MSH4: variants seen among roughly 807,000 people sequenced by gnomAD.
The protein encoded by MSH4 is mutS protein homolog 4.
A neutral mutation model predicts 113.7 loss-of-function variants in MSH4; 106 were observed. That is an observed-to-expected ratio of 0.93 (90% confidence interval 0.80 to 1.10). MSH4 has a LOEUF of 1.10. Ranked by LOEUF, MSH4 falls within the 50% of genes least tolerant of loss-of-function variation. The probability of loss-of-function intolerance (pLI) is 0.00; values close to 1 mark genes in which losing one functional copy is unlikely to be tolerated. For synonymous variants in MSH4, 368 were observed against 380.2 expected (o/e 0.97, Z 0.37); for missense variants, 1,061 against 1,093.7 (o/e 0.97, Z 0.42).
chr1:75,911,008 TA>T (rs1293187413), intron 19 of MSH4, among the ~76,000 whole-genome samples: 1 of 152,110 alleles, frequency 6.6e-6, no homozygotes, highest in South Asian at 2.1e-4. Context: ...TATTACAAAG[TA>T]AAGTTGAACT....
At chr1:75,869,857 A>G (rs1261049456) in intron 9 of MSH4, among the ~76,000 whole-genome samples, 2 of 152,184 alleles carry the variant, frequency 1.3e-5, no homozygotes, top group Non-Finnish European at 2.9e-5. Flanking sequence ...GCCCCCACAC[A>G]GAGTCCCCAC....
intron 19 of MSH4, among the ~76,000 whole-genome samples, chr1:75,903,556 T>G (rs1652557059): frequency 6.6e-6 from 1 of 152,154 alleles, no homozygotes. Flanking sequence ...TTTCCACTTC[T>G]GTGAAGAATG....
intron 7 of MSH4, among the ~76,000 whole-genome samples, chr1:75,834,792 G>C (rs1032725894): frequency 6.6e-6 from 1 of 152,144 alleles, no homozygotes. Context: ...GTCAGGGGAT[G>C]GGGGAGGGAT....
At chr1:75,857,984 C>A (rs1651357455) in intron 8 of MSH4, among the ~76,000 whole-genome samples, 1 of 152,114 alleles carries the variant, frequency 6.6e-6, no homozygotes, top group African/African-American at 2.4e-5. Context: ...TCCTTCACAT[C>A]CCTTGTAAGT....
intron 19 of MSH4, among the ~76,000 whole-genome samples, chr1:75,910,282 ATCTC>A (rs1652761587): frequency 6.6e-6 from 1 of 151,796 alleles, no homozygotes; most frequent in African/African-American, 2.4e-5. Context: ...ATCTTCCATG[ATCTC>A]TCTATGGCAC....
At chr1:75,846,552 A>G (rs945420124) in intron 7 of MSH4, among the ~76,000 whole-genome samples, 3 of 152,142 alleles carry the variant, frequency 2.0e-5, no homozygotes, top group African/African-American at 7.2e-5. Flanking sequence ...GTTCTTTTCA[A>G]CTGTAACAAG....
At chr1:75,805,090 G>T (rs1650029120) in intron 2 of MSH4, among the ~76,000 whole-genome samples, 1 of 152,062 alleles carries the variant, frequency 6.6e-6, no homozygotes, top group Non-Finnish European at 1.5e-5. Context: ...CTCCTAAAGT[G>T]CTGGGATTAC....
intron 17 of MSH4, 106 bp from the exon 18 acceptor site, chr1:75,897,801 A>G: frequency 1.6e-6 from 1 of 610,136 alleles, no homozygotes; most frequent in Non-Finnish European, 2.5e-6. Context: ...CATCTCTGCC[A>G]AGCTACTTAG....
chr1:75,819,574 C>T (rs948172929), intron 6 of MSH4, among the ~76,000 whole-genome samples: 1 of 152,142 alleles, frequency 6.6e-6, no homozygotes, highest in Non-Finnish European at 1.5e-5. Flanking sequence ...GTCTTATATG[C>T]CCAGTGTTTA....
intron 7 of MSH4, among the ~76,000 whole-genome samples, chr1:75,832,808 G>C (rs1650733459): frequency 6.6e-6 from 1 of 152,040 alleles, no homozygotes; most frequent in Non-Finnish European, 1.5e-5. Context: ...AGCTATTTAT[G>C]ACACACCCAC....
intron 6 of MSH4, among the ~76,000 whole-genome samples, chr1:75,816,960 A>C (rs1029086408): frequency 2.6e-5 from 4 of 152,050 alleles, no homozygotes; most frequent in African/African-American, 9.7e-5. Flanking sequence ...GGAGAATTTT[A>C]TTTAAGAGGT....
At chr1:75,802,486 A>AT (rs1557487659) in intron 1 of MSH4, among the ~76,000 whole-genome samples, 1 of 152,300 alleles carries the variant, frequency 6.6e-6, no homozygotes, top group African/African-American at 2.4e-5. Context: ...ACATTTTAAA[A>AT]TTTTTTTAGA....
intron 8 of MSH4, among the ~76,000 whole-genome samples, chr1:75,848,955 G>A (rs1651132180): frequency 6.6e-6 from 1 of 151,962 alleles, no homozygotes; most frequent in Non-Finnish European, 1.5e-5. Context: ...TTTTTGAGAT[G>A]GAGTCTCACT....
Position 75,807,036 on chromosome 1 carries a change from A to C in MSH4, c.483A>C (p.Val161=). 6.3e-7 allele frequency: 1 copy of C among 1,589,376 alleles called. No homozygotes were observed. Among genetic ancestry groups the C allele is most frequent in the Non-Finnish European group, 8.5e-7 (1 of 1,172,638 alleles). ...CCCCATCAGTTATTGTAGCTGTTGT[A>C]GAAGGGAGAGGACTTGCCAGAGGTG... ...AHSPSVIVAV[V]EGRGLARGEI... is the part of the protein sequence containing the mutation. The change falls in exon 3 of 20, where the codon GTA becomes GTC. Residue 161 remains valine (V), a synonymous_variant. Transcript: ENST00000263187.
At chr1:75,832,517 A>T (rs1206644996) in intron 7 of MSH4, among the ~76,000 whole-genome samples, 1 of 152,216 alleles carries the variant, frequency 6.6e-6, no homozygotes, top group African/African-American at 2.4e-5. Flanking sequence ...CCTGATGAAC[A>T]TCGATGCAAA....
At position 75,883,630 on chromosome 1, in the gene MSH4, A is replaced by C; in HGVS notation, c.1916A>C (p.Glu639Ala). The C allele has an allele frequency of 6.2e-7, 1 of 1,610,898 alleles. No individual in the cohort carries two copies. The highest frequency in any genetic ancestry group is 2.2e-5 in the East Asian group (1 of 44,746). The change falls in exon 15 of 20, where the codon GAA becomes GCA. Residue 639 changes from glutamate to alanine, a missense_variant. Physicochemically the swap from Glu to Ala is moderately radical, Grantham distance 107. Coordinates refer to ENST00000263187, the MANE Select transcript of MSH4 (RefSeq NM_002440.4). ...TATTTTTTTTCTTAAGTTCGACCAG[A>C]ATTTACTGATACTTTAGCAATCAAA... is the stretch of plus-strand genomic sequence containing the variant. ...ACTLSDYVRP[E>A]FTDTLAIKQG...
chr1:75,883,585 T>C (rs1339939773), intron 14 of MSH4, 36 bp from the exon 15 acceptor site: 3 of 1,526,480 alleles, frequency 2.0e-6, no homozygotes, highest in Non-Finnish European at 2.7e-6. Context: ...CACAAATATA[T>C]TAATCTTTAA....
chr1:75,867,547 A>G lies in MSH4; in HGVS notation c.1264A>G (p.Ile422Val). The change falls in exon 9 of 20, where the codon ATA becomes GTA. Residue 422 changes from isoleucine (I) to valine (V), a missense_variant. Physicochemically the swap from Ile to Val is conservative, Grantham distance 29 (BLOSUM62 3). Transcript: ENST00000263187. ...TGCTGAATCAAAGATAACAAATTTA[A>G]TATACTTAAAACATACCTTGGAACT... is the stretch of plus-strand genomic sequence containing the variant. The part of the protein sequence containing the change: ...NAAESKITNL[I>V]YLKHTLELVD... The G allele has an allele frequency of 6.3e-7, 1 of 1,599,778 alleles. No homozygotes were observed. The highest frequency in any genetic ancestry group is 1.3e-5 in the African/African-American group (1 of 74,472).
intron 8 of MSH4, among the ~76,000 whole-genome samples, chr1:75,851,422 TA>T (rs1410379188): frequency 6.6e-6 from 1 of 152,146 alleles, no homozygotes; most frequent in African/African-American, 2.4e-5. Flanking sequence ...TTTTTTATTT[TA>T]TTTTTTGGGA....
Sources: gnomAD v4.1 joint callset for allele counts (sites outside exome capture counted in the v4.1 genomes callset) on GRCh38, gnomAD v4.1.1 for gene constraint, MANE v1.5 for transcripts, NCBI Gene and HGNC (gene_info 2026-07-23, HGNC 2026-07-21) for gene names.